The following CDC42BPB variants were observed in gnomAD, a reference collection of about 807,000 sequenced individuals.
The protein encoded by CDC42BPB is serine/threonine-protein kinase MRCK beta.
Under a neutral mutation model 214.9 loss-of-function variants are expected in CDC42BPB, and 37 were observed. The ratio of observed to expected loss-of-function variants is 0.17; its 90% CI spans 0.13 to 0.23. The LOEUF is 0.23. Ranked by LOEUF, CDC42BPB falls within the 10% of genes least tolerant of loss-of-function variation. The probability of loss-of-function intolerance (pLI) is 1.00; values close to 1 mark genes in which losing one functional copy is unlikely to be tolerated. For missense variants in CDC42BPB, 1,694 were observed against 2,227.0 expected (o/e 0.76, Z 4.82); for synonymous variants, 931 against 884.0 (o/e 1.05, Z -0.94).
At chr14:102,946,207 C>T (rs539300461) in intron 28 of CDC42BPB, among the ~76,000 whole-genome samples, 37 of 151,590 alleles carry the variant, frequency 2.4e-4, no homozygotes, top group Non-Finnish European at 4.3e-4. Context: ...TTTTTTTTAG[C>T]AGAGACAGGG....
chr14:103,035,351 C>T (rs1221850726), intron 1 of CDC42BPB, among the ~76,000 whole-genome samples: 2 of 152,110 alleles, frequency 1.3e-5, no homozygotes, highest in African/African-American at 4.8e-5. Flanking sequence ...GCCACCGCGC[C>T]CAGCTCAAGT....
chr14:102,992,649 C>T (rs1277764944), intron 5 of CDC42BPB, among the ~76,000 whole-genome samples: 1 of 152,162 alleles, frequency 6.6e-6, no homozygotes, highest in Admixed American at 6.5e-5. Context: ...AATTCAAAAA[C>T]AATTTTTGTC....
chr14:102,950,889 C>A (rs1470040959), intron 24 of CDC42BPB: 1 of 159,106 alleles, frequency 6.3e-6, no homozygotes, highest in African/African-American at 2.4e-5. Context: ...TCGCTTGAGC[C>A]CGGGAGGCGG....
intron 34 of CDC42BPB, 139 bp from the exon 35 acceptor site, chr14:102,938,550 A>T: frequency 7.0e-7 from 1 of 1,427,816 alleles, no homozygotes; most frequent in Non-Finnish European, 9.1e-7. Flanking sequence ...TCTGGATTGG[A>T]CAAGGGTTCT....
chr14:103,015,660 G>A (rs1005962544), intron 1 of CDC42BPB, among the ~76,000 whole-genome samples: 4 of 152,176 alleles, frequency 2.6e-5, no homozygotes, highest in Non-Finnish European at 5.9e-5. Flanking sequence ...CCACATGGAG[G>A]TGGCAAATGC....
intron 1 of CDC42BPB, among the ~76,000 whole-genome samples, chr14:103,013,612 C>T (rs1294360017): frequency 3.9e-5 from 6 of 152,184 alleles, no homozygotes; most frequent in Non-Finnish European, 2.9e-5. Context: ...GACTGGTGTC[C>T]TTCTAAAAGG....
At position 102,944,455 on chromosome 14, in the gene CDC42BPB, G is replaced by A. The variant is rs749051826; in HGVS notation, c.3844C>T (p.His1282Tyr). Reference protein sequence around the residue: ...IVRAADCKKVHQIELAPREKI... With the variant: ...IVRAADCKKVYQIELAPREKI... ...TCCCTGGGAGCAAGCTCGATCTGGT[G>A]TACCTTCTTACAGTCAGCGGCACGG... Residue 1282 changes from histidine to tyrosine, a missense_variant, in exon 30 of 37, where the codon CAC becomes TAC. This residue lies in a region of CDC42BPB where 567 missense variants were observed against 790.3 expected (regional missense o/e 0.72). Transcript: ENST00000361246. This position sits in a 1 kb window ranked among gnomAD's most constrained non-coding sequence, Gnocchi z 6.6. 3 of 1,612,756 alleles carry A rather than the reference G, an allele frequency of 1.9e-6. No homozygotes were observed. Among genetic ancestry groups the A allele is most frequent in the African/African-American group, 2.7e-5 (2 of 74,944 alleles).
rs1179776450 is a variant in CDC42BPB at position 102,966,320 on chromosome 14, C to T, written c.2539G>A (p.Glu847Lys). The change falls in exon 18 of 37, where the codon GAG becomes AAG. Residue 847 changes from glutamate to lysine, a missense_variant. By Grantham distance (56) the Glu-to-Lys change is moderately conservative. Around this residue, in one of 7 missense-constraint regions of CDC42BPB, gnomAD observed 55 missense variants for 95.5 expected, o/e 0.58. Coordinates refer to ENST00000361246, the MANE Select transcript of CDC42BPB (RefSeq NM_006035.4). ...CCCAGACTAGAACTCCTCAAAGCCT[C>T]GAGCTCTTCGGTCATCTTGGAAGCA... The part of the protein sequence containing the change: ...ALASKMTEEL[E>K]ALRSSSLGSR... 1.9e-6 allele frequency: 3 copies of T among 1,613,990 alleles called. No individual in the cohort carries two copies. Among genetic ancestry groups the T allele is most frequent in the African/African-American group, 1.3e-5 (1 of 74,932 alleles).
intron 28 of CDC42BPB, among the ~76,000 whole-genome samples, 198 bp downstream of exon 28, chr14:102,946,270 G>A (rs997035672): frequency 3.9e-5 from 6 of 152,022 alleles, no homozygotes; most frequent in Admixed American, 6.5e-5. Flanking sequence ...TGATCCGCCC[G>A]CCTTGGCCTC....
At chr14:102,950,684 T>C (rs1181722674) in intron 24 of CDC42BPB, 82 bp from the exon 25 acceptor site, 15 of 1,400,548 alleles carry the variant, frequency 1.1e-5, no homozygotes, top group East Asian at 2.9e-5. Context: ...GAGGAGGCAA[T>C]TTAATAATCA....
In CDC42BPB at chr14:102,933,119, G is replaced by C. The variant is rs986707955; in HGVS notation, c.*593C>G. On this transcript the variant is annotated 3_prime_UTR_variant, in exon 37 of 37. Transcript: ENST00000361246. ...ACCCAGAATGAACTTAATGCACACA[G>C]GGACGCAGGGTGTCACTGGTCCTGG... 3 of 152,528 alleles carry C rather than the reference G, an allele frequency of 2.0e-5. No homozygotes were observed. The highest frequency in any genetic ancestry group is 7.2e-5 in the African/African-American group (3 of 41,464). The allele number at this position is 152,528 out of a possible 1,614,324, so 9.4% of individuals were successfully genotyped here. A position where few individuals can be genotyped will look rare whatever the true frequency, so the allele number is the denominator to read the frequency against.
chr14:103,007,325 A>T (rs1242066205), intron 3 of CDC42BPB, among the ~76,000 whole-genome samples: 1 of 152,158 alleles, frequency 6.6e-6, no homozygotes, highest in Non-Finnish European at 1.5e-5. Flanking sequence ...AGAATGACTG[A>T]GTCACGAGGA....
intron 36 of CDC42BPB, among the ~76,000 whole-genome samples, chr14:102,935,261 G>C (rs1469068249): frequency 6.6e-6 from 1 of 152,008 alleles, no homozygotes; most frequent in African/African-American, 2.4e-5. Flanking sequence ...CAAAGTTATA[G>C]GGTATAAGAT....
chr14:102,980,226 G>A (rs1893935713), intron 8 of CDC42BPB, among the ~76,000 whole-genome samples: 2 of 152,248 alleles, frequency 1.3e-5, no homozygotes, highest in South Asian at 4.1e-4. Context: ...TGGGCGCGAT[G>A]GCTCACGCCT....
intron 8 of CDC42BPB, 171 bp from the exon 9 acceptor site, chr14:102,978,376 C>T (rs767008093): frequency 1.6e-4 from 162 of 982,592 alleles, no homozygotes; most frequent in Non-Finnish European, 1.9e-4. Flanking sequence ...GCAGATCTGT[C>T]TTTCTCAAGC....
chr14:102,983,718 G>C lies in CDC42BPB; in HGVS notation c.729C>G (p.Ile243Met), dbSNP rs1287926437. ...SSVAVGTPDYISPEILQAMED... is the reference protein window; with the variant it reads ...SSVAVGTPDYMSPEILQAMED... The stretch of plus-strand genomic sequence containing the variant: ...CCATCGCCTGCAGGATCTCCGGCGA[G>C]ATGTAGTCAGGTGTGCCCACGGCCA... Residue 243 changes from isoleucine (I) to methionine (M), a missense_variant, in exon 7 of 37, where the codon ATC (isoleucine) becomes ATG (methionine). Physicochemically the swap from Ile to Met is conservative, Grantham distance 10. Transcript: ENST00000361246. The C allele has an allele frequency of 1.9e-6, 3 of 1,613,772 alleles. No homozygotes were observed. Among genetic ancestry groups the C allele is most frequent in the Non-Finnish European group, 2.5e-6 (3 of 1,180,032 alleles).
intron 14 of CDC42BPB, 104 bp downstream of exon 14, chr14:102,970,047 A>C: frequency 1.1e-6 from 1 of 896,950 alleles, no homozygotes; most frequent in South Asian, 1.6e-5. Flanking sequence ...CTCGGGTGAC[A>C]CTCGGCCCGG....
chr14:102,974,381 A>T (rs1345910495), intron 11 of CDC42BPB: 1 of 983,962 alleles, frequency 1.0e-6, no homozygotes, highest in Non-Finnish European at 1.2e-6. Context: ...CTTTACTCTG[A>T]TCTGACAGCG....
chr14:102,970,505 GA>G, intron 13 of CDC42BPB: 2 of 365,268 alleles, frequency 5.5e-6, no homozygotes, highest in Non-Finnish European at 7.6e-6. Context: ...TTCAAGAAAG[GA>G]TACATTTCTT....
Sources: gnomAD v4.1 joint callset for allele counts (sites outside exome capture counted in the v4.1 genomes callset) on GRCh38, gnomAD v4.1.1 for gene constraint, gnomAD v4.1.1 regional missense constraint, Gnocchi (gnomAD v3.1) non-coding constraint, MANE v1.5 for transcripts, NCBI Gene and HGNC (gene_info 2026-07-23, HGNC 2026-07-21) for gene names.